The following SMG6 variants were observed in gnomAD, a reference collection of about 807,000 sequenced individuals.
The protein encoded by SMG6 is telomerase-binding protein EST1A.
SMG6 carries 66 observed loss-of-function variants against 142.2 expected under a neutral mutation model. That is an observed-to-expected ratio of 0.46 (90% CI 0.38 to 0.57). SMG6 has a LOEUF of 0.57. Among genes scored for constraint, SMG6 ranks in the 20% least tolerant of loss-of-function variants. The pLI is 0.00. For synonymous variants in SMG6, 779 were observed against 702.4 expected (o/e 1.11, Z -1.72); for missense variants, 1,793 against 1,832.0 (o/e 0.98, Z 0.39).
At chr17:2,282,895 G>A (rs926626089) in intron 7 of SMG6, 36 bp from the exon 8 acceptor site, 5 of 1,601,680 alleles carry the variant, frequency 3.1e-6, no homozygotes, top group Non-Finnish European at 4.3e-6. Flanking sequence ...TCATGGCCTG[G>A]TGTGGTGGCT....
intron 13 of SMG6, chr17:2,087,737 T>G: frequency 1.0e-5 from 10 of 986,418 alleles, no homozygotes; most frequent in Non-Finnish European, 1.1e-5. Context: ...TAAAAGGCAT[T>G]AAAGAACAGA....
intron 8 of SMG6, among the ~76,000 whole-genome samples, chr17:2,280,349 G>A (rs1483442170): frequency 2.6e-5 from 4 of 151,884 alleles, no homozygotes; most frequent in Non-Finnish European, 4.4e-5. Flanking sequence ...TGCAACCTCC[G>A]CCTCCCGGGT....
intron 13 of SMG6, among the ~76,000 whole-genome samples, chr17:2,093,581 T>C (rs2068781238): frequency 6.6e-6 from 1 of 152,132 alleles, no homozygotes; most frequent in East Asian, 1.9e-4. Flanking sequence ...GCTGAGCTGT[T>C]TGGAAGCCAG....
In SMG6 at chr17:2,299,581, T is replaced by G; in HGVS notation, c.1172A>C (p.Lys391Thr). 1.9e-6 allele frequency: 3 copies of G among 1,614,188 alleles called. No homozygotes were observed. The highest frequency in any genetic ancestry group is 2.5e-6 in the Non-Finnish European group (3 of 1,180,022). ...TTGTTTCGGGTTTTTGGACTCCTGCTTCTCAGAGCCTTTGCCCCCACTGCT... is the reference window on the plus strand; with the variant it reads ...TTGTTTCGGGTTTTTGGACTCCTGCGTCTCAGAGCCTTTGCCCCCACTGCT... ...GLSSGGKGSE[K>T]QESKNPKQEL... Residue 391 changes from lysine (K) to threonine (T), a missense_variant, in exon 2 of 19, where the codon AAG becomes ACG. By Grantham distance (78) the Lys-to-Thr change is moderately conservative. This residue lies in a region of SMG6 where 1,597 missense variants were observed against 1,584.6 expected (regional missense o/e 1.01). Transcript: ENST00000263073. This position sits in a 1 kb window ranked among gnomAD's most constrained non-coding sequence, Gnocchi z 4.3.
At position 2,130,266 on chromosome 17, in the gene SMG6, C is replaced by CAAAAAAAAAAAAAAAAAAAAA. The variant is rs903007543; in HGVS notation, c.3357+42391_3357+42392insTTTTTTTTTTTTTTTTTTTTT. Among the ~76,000 whole-genome samples the CAAAAAAAAAAAAAAAAAAAAA allele has an allele frequency of 3.9e-3, 153 of 39,440 alleles. 10 individuals are homozygous for CAAAAAAAAAAAAAAAAAAAAA. The highest frequency in any genetic ancestry group is 4.7e-3 in the Non-Finnish European group (114 of 24,486). 25.9% of individuals were successfully genotyped at this position (39,440 alleles called of 152,430 possible). ...TGGGCGACAGAGCGAGACTCCGTCTCAAAAAAAAAAAAAAAAAAGAAACAG... is the reference window on the plus strand; with the variant it reads ...TGGGCGACAGAGCGAGACTCCGTCTCAAAAAAAAAAAAAAAAAAAAAAAAAAAAAAAAAAAAAAAGAAACAG... On this transcript the variant is annotated intron_variant, in intron 13 of 18. Coordinates refer to ENST00000263073, the MANE Select transcript of SMG6 (RefSeq NM_017575.5).
chr17:2,157,899 T>A (rs2071056828), intron 13 of SMG6, among the ~76,000 whole-genome samples: 1 of 152,050 alleles, frequency 6.6e-6, no homozygotes, highest in Non-Finnish European at 1.5e-5. Context: ...GAATTAGAAA[T>A]CCCTAAACCA....
In SMG6 at chr17:2,277,161, ATTTATT is replaced by A. The variant is rs1460224541; in HGVS notation, c.2661+5480_2661+5485del. On this transcript the variant is annotated intron_variant, in intron 8 of 18. Coordinates refer to ENST00000263073, the MANE Select transcript of SMG6 (RefSeq NM_017575.5). ...TATTTATTTATTTATTTATTTATTTATTTATTTTTTATTTTTTTTTTTTTTGAGACA... is the reference window on the plus strand; with the variant it reads ...TATTTATTTATTTATTTATTTATTTATTTTATTTTTTTTTTTTTTGAGACA... Among the ~76,000 whole-genome samples, 292 of 65,150 alleles carry A rather than the reference ATTTATT, an allele frequency of 4.5e-3. 5 individuals carry two copies. Among genetic ancestry groups the A allele is most frequent in the Non-Finnish European group, 7.2e-3 (224 of 31,006 alleles). The allele number at this position is 65,150 out of a possible 152,430, so 42.7% of individuals were successfully genotyped here.
At position 2,129,793 on chromosome 17, in the gene SMG6, CAAAAAAAAAAAAAAAAA is replaced by C. The variant is rs57556112; in HGVS notation, c.3357+42848_3357+42864del. ...TGGGTGACAGAGCAAGGCTCTGTCT[CAAAAAAAAAAAAAAAAA>C]AAAAAAAAAAAGAAATCCATGACAA... On this transcript the variant is annotated intron_variant, in intron 13 of 18. Transcript: ENST00000263073. Among the ~76,000 whole-genome samples the C allele has an allele frequency of 5.3e-5, 3 of 56,320 alleles. No homozygotes were observed. The South Asian group carries it at 2.1e-3, about 39-fold the overall frequency. 36.9% of individuals were successfully genotyped at this position (56,320 alleles called of 152,430 possible). A position where few individuals can be genotyped will look rare whatever the true frequency, so the allele number is the denominator to read the frequency against.
rs772491745 is a variant in SMG6, at chr17:2,068,869, G to A, written c.3744C>T (p.Leu1248=). 6.8e-6 allele frequency: 11 copies of A among 1,614,120 alleles called. No individual in the cohort carries two copies. Among genetic ancestry groups the A allele is most frequent in the Admixed American group, 1.7e-5 (1 of 60,012 alleles). Residue 1248 remains leucine (L), a synonymous_variant, in exon 16 of 19, where the codon CTC becomes CTT. Transcript: ENST00000263073. The surrounding 1 kb of genome is among the most constrained non-coding windows in gnomAD (Gnocchi z 6.7). The part of the protein sequence containing the change: ...QMELEIRPLF[L]VPDTNGFIDH... Reference sequence around the variant, plus strand: ...CAATGAAGCCGTTGGTGTCTGGTACGAGGAACAAAGGTCTGATTTCGAGCT... The same window carrying A: ...CAATGAAGCCGTTGGTGTCTGGTACAAGGAACAAAGGTCTGATTTCGAGCT...
In SMG6 at chr17:2,064,941, C is replaced by T. The variant is rs576053548; in HGVS notation, c.4129+132G>A. On this transcript the variant is annotated intron_variant, in intron 18 of 18. Transcript: ENST00000263073. ...ACAGGGAGGTTGGGCCTCAGGCATA[C>T]ATCAGCCCTGAGCACTGATTCCTTA... 4.2e-6 allele frequency: 3 copies of T among 706,742 alleles called. No individual in the cohort carries two copies. The Admixed American group carries it at 7.9e-5, about 19-fold the overall frequency. 43.8% of individuals were successfully genotyped at this position (706,742 alleles called of 1,614,324 possible).
chr17:2,278,064 T>C (rs1013270826), intron 8 of SMG6, among the ~76,000 whole-genome samples: 8 of 152,152 alleles, frequency 5.3e-5, no homozygotes, highest in Non-Finnish European at 1.0e-4. Context: ...AAAAATTTTA[T>C]AATGCATTTC....
chr17:2,094,085 G>A (rs1258446422), intron 13 of SMG6, among the ~76,000 whole-genome samples: 1 of 152,150 alleles, frequency 6.6e-6, no homozygotes, highest in Non-Finnish European at 1.5e-5. Context: ...GAGGCTCCAA[G>A]GTCCCGGGCT....
At chr17:2,073,558 A>C (rs2068170263) in intron 15 of SMG6, among the ~76,000 whole-genome samples, 1 of 151,526 alleles carries the variant, frequency 6.6e-6, no homozygotes, top group African/African-American at 2.4e-5. Flanking sequence ...AAAATACAAA[A>C]ATTAGCTGGA....
At chr17:2,193,745 T>C (rs992001606) in intron 10 of SMG6, among the ~76,000 whole-genome samples, 8 of 152,208 alleles carry the variant, frequency 5.3e-5, no homozygotes, top group African/African-American at 1.4e-4. Flanking sequence ...CTACATATCA[T>C]AAGGAAGATG....
intron 8 of SMG6, among the ~76,000 whole-genome samples, chr17:2,273,099 T>C (rs1395392044): frequency 1.3e-5 from 2 of 151,998 alleles, no homozygotes; most frequent in African/African-American, 4.8e-5. Flanking sequence ...ACAGGGAAAA[T>C]GTGTATTAGA....
intron 13 of SMG6, chr17:2,088,391 A>G (rs1270693810): frequency 2.0e-6 from 2 of 985,256 alleles, no homozygotes; most frequent in Admixed American, 1.2e-4. Flanking sequence ...GGAATTGCCT[A>G]TTCCATGGAC....
intron 10 of SMG6, among the ~76,000 whole-genome samples, chr17:2,227,536 A>T (rs1211188490): frequency 1.3e-5 from 2 of 152,156 alleles, no homozygotes; most frequent in Non-Finnish European, 2.9e-5. Context: ...AATCTAACAT[A>T]CGGTGACAGA....
At chr17:2,142,552 C>G (rs2070514971) in intron 13 of SMG6, among the ~76,000 whole-genome samples, 1 of 151,710 alleles carries the variant, frequency 6.6e-6, no homozygotes, top group African/African-American at 2.4e-5. Flanking sequence ...TCTATGAACT[C>G]CTACAACTCA....
At chr17:2,215,724 C>CAGAGAGAGAA (rs1320804278) in intron 10 of SMG6, 1 of 151,494 alleles carries the variant, frequency 6.6e-6, no homozygotes. Context: ...AGCCAAGACG[C>CAGAGAGAGAA]AGAGAGAGAA....
Sources: gnomAD v4.1 joint callset for allele counts (sites outside exome capture counted in the v4.1 genomes callset) on GRCh38, gnomAD v4.1.1 for gene constraint, gnomAD v4.1.1 regional missense constraint, Gnocchi (gnomAD v3.1) non-coding constraint, MANE v1.5 for transcripts, NCBI Gene and HGNC (gene_info 2026-07-23, HGNC 2026-07-21) for gene names.